Variants in NOTCH3 observed in about 807,000 individuals in gnomAD.
NOTCH3 encodes neurogenic locus notch homolog protein 3.
Under a neutral mutation model 213.3 loss-of-function variants are expected in NOTCH3, and 86 were observed. The observed-to-expected ratio is 0.40, with a 90% CI of 0.34 to 0.48. The LOEUF is 0.48. Among genes scored for constraint, NOTCH3 ranks in the 20% least tolerant of loss-of-function variants. The pLI is 0.57. For synonymous variants in NOTCH3, 1,354 were observed against 1,355.9 expected (o/e 1.00, Z 0.03); for missense variants, 2,783 against 3,272.6 (o/e 0.85, Z 3.65).
In NOTCH3 at chr19:15,179,219, C is replaced by T. The variant is rs752282553; in HGVS notation, c.3524G>A (p.Arg1175Gln). The change falls in exon 22 of 33, where the codon CGG (arginine) becomes CAG (glutamine). Residue 1175 changes from arginine to glutamine, a missense_variant. Coordinates refer to ENST00000263388, the MANE Select transcript of NOTCH3 (RefSeq NM_000435.3). ...GPGPPLDSGP[R>Q]CLHNGTCVDL... ...CACGCAGGTGCCATTGTGTAGGCAC[C>T]GGGGCCCTGAGTCCAGCGGTGGGCC... 4.3e-6 allele frequency: 7 copies of T among 1,613,848 alleles called. No individual in the cohort carries two copies. Among genetic ancestry groups the T allele is most frequent in the African/African-American group, 1.3e-5 (1 of 74,924 alleles).
intron 2 of NOTCH3, among the ~76,000 whole-genome samples, chr19:15,195,914 A>T (rs1181614282): frequency 3.6e-5 from 5 of 139,494 alleles, no homozygotes; most frequent in Non-Finnish European, 7.8e-5. Flanking sequence ...GGGGAGACGG[A>T]GGGGGGAGCG....
In NOTCH3 at chr19:15,188,454, C is replaced by A. The variant is rs557072574; in HGVS notation, c.1379-106G>T. 3.5e-5 allele frequency: 27 copies of A among 766,130 alleles called. No homozygotes were observed. In the Admixed American group the frequency reaches 4.2e-4, roughly 12 times the overall value. 47.5% of individuals were successfully genotyped at this position (766,130 alleles called of 1,614,324 possible). On this transcript the variant is annotated intron_variant, in intron 8 of 32. Coordinates refer to ENST00000263388, the MANE Select transcript of NOTCH3 (RefSeq NM_000435.3). ...CCTACTCATCGACAAATCCCCCGAG[C>A]CTTCGTCCCCACCTCTACACTCCCA...
chr19:15,197,573 G>A lies in NOTCH3; in HGVS notation c.124C>T (p.Pro42Ser), dbSNP rs372995747. The change falls in exon 2 of 33, where the codon CCT becomes TCT. Residue 42 changes from proline (P) to serine (S), a missense_variant. By Grantham distance (74) the Pro-to-Ser change is moderately conservative. Around this residue, in one of 6 missense-constraint regions of NOTCH3, gnomAD observed 708 missense variants for 906.6 expected, o/e 0.78. Transcript: ENST00000263388. ...LLAGPGAAAPPCLDGSPCANG... is the reference protein window; with the variant it reads ...LLAGPGAAAPSCLDGSPCANG... Reference sequence around the variant, plus strand: ...GCACACGGGCTTCCGTCCAGGCAAGGGGGGGCTGTGTGGGGGTGAAGGAAG... The same window carrying A: ...GCACACGGGCTTCCGTCCAGGCAAGAGGGGGCTGTGTGGGGGTGAAGGAAG... 4.3e-6 allele frequency: 7 copies of A among 1,611,590 alleles called. No homozygotes were observed. Among genetic ancestry groups the A allele is most frequent in the Admixed American group, 3.3e-5 (2 of 59,960 alleles).
chr19:15,187,373 G>A (rs1179640124), intron 10 of NOTCH3, 35 bp from the exon 11 acceptor site: 3 of 1,583,838 alleles, frequency 1.9e-6, no homozygotes, highest in Non-Finnish European at 2.6e-6. Context: ...CCGCCCACTT[G>A]CCAGGGGCCT....
intron 2 of NOTCH3, among the ~76,000 whole-genome samples, chr19:15,194,146 G>A (rs2046952610): frequency 6.6e-6 from 1 of 152,148 alleles, no homozygotes. Flanking sequence ...CTTCTTGGGA[G>A]GCTGAGGTGG....
At chr19:15,197,599 G>A in intron 1 of NOTCH3, 21 bp from the exon 2 acceptor site, 2 of 1,609,222 alleles carry the variant, frequency 1.2e-6, no homozygotes, top group Non-Finnish European at 1.7e-6. Context: ...GTGAAGGAAG[G>A]TGGAGGATCA....
In NOTCH3 at chr19:15,184,468, G is replaced by A; in HGVS notation, c.2411-18C>T. Reference sequence around the variant, plus strand: ...TCGTGGGCCTGGGGGTAGGGAGCAAGGTTACACCTAGGGTTACAGGGTACA... The same window carrying A: ...TCGTGGGCCTGGGGGTAGGGAGCAAAGTTACACCTAGGGTTACAGGGTACA... On this transcript the variant is annotated intron_variant, in intron 15 of 32. Coordinates refer to ENST00000263388, the MANE Select transcript of NOTCH3 (RefSeq NM_000435.3). The A allele has an allele frequency of 1.2e-6, 2 of 1,613,278 alleles. No homozygotes were observed. Among genetic ancestry groups the A allele is most frequent in the East Asian group, 2.2e-5 (1 of 44,886 alleles).
At position 15,165,287 on chromosome 19, in the gene NOTCH3, G is replaced by T; in HGVS notation, c.5815+81C>A. ...AGCTTCAGTGATTGGGTCTCAACAT[G>T]GGTATGAATTTGCACCAACATGACC... On this transcript the variant is annotated intron_variant, in intron 31 of 32. Coordinates refer to ENST00000263388, the MANE Select transcript of NOTCH3 (RefSeq NM_000435.3). This position sits in a 1 kb window ranked among gnomAD's most constrained non-coding sequence, Gnocchi z 4.7. 1 of 1,421,356 alleles carries T rather than the reference G, an allele frequency of 7.0e-7. No individual in the cohort carries two copies. Among genetic ancestry groups the T allele is most frequent in the Non-Finnish European group, 9.8e-7 (1 of 1,017,186 alleles). The allele number at this position is 1,421,356 out of a possible 1,614,324, so 88.0% of individuals were successfully genotyped here. A position where few individuals can be genotyped will look rare whatever the true frequency, so the allele number is the denominator to read the frequency against.
intron 19 of NOTCH3, 129 bp from the exon 20 acceptor site, chr19:15,180,385 G>A (rs569366940): frequency 1.7e-5 from 18 of 1,051,686 alleles, no homozygotes; most frequent in Admixed American, 4.0e-5. Context: ...CCATCAGGTT[G>A]TCACACATCC....
At chr19:15,196,544 T>G (rs34547756) in intron 2 of NOTCH3, among the ~76,000 whole-genome samples, 88,745 of 152,018 alleles carry the variant, frequency 0.58, 28,816 homozygotes, top group Non-Finnish European at 0.74. Flanking sequence ...TGATGCTGAA[T>G]AAATGAATAC....
In NOTCH3 at chr19:15,187,347, C is replaced by A; in HGVS notation, c.1607-9G>T. ...CAGCGTGCCCTCAAAGCCTGTGGGGCCAAGAGGGTCAGGCTCCGCCCACTT... is the reference window on the plus strand; with the variant it reads ...CAGCGTGCCCTCAAAGCCTGTGGGGACAAGAGGGTCAGGCTCCGCCCACTT... On this transcript the variant is annotated splice_polypyrimidine_tract_variant and intron_variant, in intron 10 of 32. Transcript: ENST00000263388. 1.2e-6 allele frequency: 2 copies of A among 1,611,192 alleles called. No homozygotes were observed. The highest frequency in any genetic ancestry group is 2.2e-5 in the South Asian group (2 of 91,004).
At chr19:15,200,747 T>A (rs1285611196) in intron 1 of NOTCH3, 41 bp downstream of exon 1, 3 of 1,237,480 alleles carry the variant, frequency 2.4e-6, no homozygotes, top group Non-Finnish European at 3.0e-6. Context: ...GCACTCCCCC[T>A]CTGCCGCCCT....
Position 15,188,275 on chromosome 19 carries a change from G to A in NOTCH3, c.1452C>T (p.Cys484=). The change falls in exon 9 of 33, where the codon TGC becomes TGT. Residue 484 remains cysteine, a synonymous_variant. Coordinates refer to ENST00000263388, the MANE Select transcript of NOTCH3 (RefSeq NM_000435.3). ...AGCTGAAGCCATTGACTCGGTCCTT[G>A]CAGACCCCACCGTTGACACAGGGGC... is the stretch of plus-strand genomic sequence containing the variant. The part of the protein sequence containing the change: ...QSSPCVNGGV[C]KDRVNGFSCT... The A allele has an allele frequency of 6.2e-7, 1 of 1,605,812 alleles. No individual in the cohort carries two copies. Among genetic ancestry groups the A allele is most frequent in the Non-Finnish European group, 8.5e-7 (1 of 1,175,984 alleles).
intron 11 of NOTCH3, 40 bp from the exon 12 acceptor site, chr19:15,187,028 G>GC (rs776450871): frequency 7.5e-6 from 12 of 1,607,368 alleles, no homozygotes; most frequent in African/African-American, 5.4e-5. Flanking sequence ...CCACCACTGT[G>GC]CCCCACTAGA....
At position 15,184,936 on chromosome 19, in the gene NOTCH3, G is replaced by T; in HGVS notation, c.2380C>A (p.Pro794Thr). 1 of 1,549,992 alleles carries T rather than the reference G, an allele frequency of 6.5e-7. No homozygotes were observed. The highest frequency in any genetic ancestry group is 8.7e-7 in the Non-Finnish European group (1 of 1,146,160). The change falls in exon 15 of 33, where the codon CCT becomes ACT. Residue 794 changes from proline (P) to threonine (T), a missense_variant. Physicochemically the swap from Pro to Thr is conservative, Grantham distance 38. This residue lies in a region of NOTCH3 where 861 missense variants were observed against 909.1 expected (regional missense o/e 0.95). Coordinates refer to ENST00000263388, the MANE Select transcript of NOTCH3 (RefSeq NM_000435.3). ...CAGCCCTGGGGGCAGGAGCAGACAG[G>T]CAGCTGGCCAGGGGCAGACTCGCAG... ...GRCESAPGQLPVCSCPQGWQG... is the reference protein window; with the variant it reads ...GRCESAPGQLTVCSCPQGWQG...
In NOTCH3 at chr19:15,192,507, G is replaced by T; in HGVS notation, c.210C>A (p.Gly70=). ...CCAGCTGACACCGCTCACCCACCCA[G>T]CCAGGCGGGCACCTGTGGGCAGAGA... The part of the protein sequence containing the change: ...SREAACLCPP[G]WVGERCQLED... The change falls in exon 3 of 33, where the codon GGC becomes GGA. Residue 70 remains glycine (G), a synonymous_variant. Coordinates refer to ENST00000263388, the MANE Select transcript of NOTCH3 (RefSeq NM_000435.3). 1 of 1,589,998 alleles carries T rather than the reference G, an allele frequency of 6.3e-7. No individual in the cohort carries two copies. Among genetic ancestry groups the T allele is most frequent in the Non-Finnish European group, 8.6e-7 (1 of 1,168,892 alleles).
chr19:15,185,997 C>G lies in NOTCH3; in HGVS notation c.1952-318G>C, dbSNP rs2145430997. ...TCATAGCTCACCACAGCCTCCACTT[C>G]CTGGGCTCAAGCGATTCTCCCACCT... On this transcript the variant is annotated intron_variant, in intron 12 of 32. Transcript: ENST00000263388. The surrounding 1 kb of genome is among the most constrained non-coding windows in gnomAD (Gnocchi z 4.2). 6.6e-6 allele frequency among the ~76,000 whole-genome samples: 1 copy of G among 152,196 alleles called. No individual in the cohort carries two copies. The highest frequency in any genetic ancestry group is 1.5e-5 in the Non-Finnish European group (1 of 68,012).
intron 19 of NOTCH3, 75 bp from the exon 20 acceptor site, chr19:15,180,331 T>C: frequency 1.3e-6 from 2 of 1,512,516 alleles, no homozygotes; most frequent in East Asian, 2.3e-5. Context: ...CACAGATCAT[T>C]CAACATCCTT....
In NOTCH3 at chr19:15,160,742, C is replaced by G. The variant is rs778098192; in HGVS notation, c.6886G>C (p.Val2296Leu). Reference sequence around the variant, plus strand: ...TGGGCCTGAGCAAGGGAGCTGGGAACAGACAAGGGAAGTGGCTGGGCAGGC... The same window carrying G: ...TGGGCCTGAGCAAGGGAGCTGGGAAGAGACAAGGGAAGTGGCTGGGCAGGC... ...ALPAQPLPLS[V>L]PSSLAQAQTQ... Residue 2296 changes from valine to leucine, a missense_variant, in exon 33 of 33, where the codon GTT becomes CTT. Physicochemically the swap from Val to Leu is conservative, Grantham distance 32. Coordinates refer to ENST00000263388, the MANE Select transcript of NOTCH3 (RefSeq NM_000435.3). 6.2e-7 allele frequency: 1 copy of G among 1,614,180 alleles called. No homozygotes were observed. Among genetic ancestry groups the G allele is most frequent in the Admixed American group, 1.7e-5 (1 of 60,016 alleles).
Sources: gnomAD v4.1 joint callset for allele counts (sites outside exome capture counted in the v4.1 genomes callset) on GRCh38, gnomAD v4.1.1 for gene constraint, gnomAD v4.1.1 regional missense constraint, Gnocchi (gnomAD v3.1) non-coding constraint, MANE v1.5 for transcripts, NCBI Gene and HGNC (gene_info 2026-07-23, HGNC 2026-07-21) for gene names.